The following DLGAP1 variants were observed in gnomAD, a reference collection of about 807,000 sequenced individuals.
The protein encoded by DLGAP1 is disks large-associated protein 1.
A neutral mutation model predicts 90.8 loss-of-function variants in DLGAP1; 11 were observed. That is an observed-to-expected ratio of 0.12 (90% CI 0.08 to 0.20). The LOEUF (loss-of-function observed/expected upper bound fraction) is 0.20. DLGAP1 is among the 10% of genes least tolerant of loss of function. The pLI is 1.00. For missense variants in DLGAP1, 1,050 were observed against 1,333.8 expected, an observed-to-expected ratio of 0.79 and a Z score of 3.31; for synonymous variants, 558 against 540.7, an observed-to-expected ratio of 1.03 and a Z score of -0.44.
At chr18:4,192,935 A>G (rs2077428630) in intron 1 of DLGAP1, among the ~76,000 whole-genome samples, 1 of 152,346 alleles carries the variant, frequency 6.6e-6, no homozygotes, top group East Asian at 1.9e-4. Context: ...CTGATAATCC[A>G]AATTCCAGAA....
intron 2 of DLGAP1, among the ~76,000 whole-genome samples, chr18:4,027,699 C>G (rs1772582811): frequency 6.6e-6 from 1 of 151,966 alleles, no homozygotes; most frequent in Non-Finnish European, 1.5e-5. Context: ...CACAGATTCC[C>G]TTGTTATATA....
intron 5 of DLGAP1, among the ~76,000 whole-genome samples, chr18:3,799,976 C>T (rs958176568): frequency 6.6e-6 from 1 of 152,040 alleles, no homozygotes; most frequent in Non-Finnish European, 1.5e-5. Flanking sequence ...TCAAATATTA[C>T]CACTGCTGTA....
intron 1 of DLGAP1, among the ~76,000 whole-genome samples, chr18:4,376,899 T>C (rs2082025189): frequency 6.6e-6 from 1 of 152,188 alleles, no homozygotes; most frequent in African/African-American, 2.4e-5. Flanking sequence ...GAAGTACACT[T>C]AAAATATAAT....
chr18:3,767,918 A>C (rs2064330066), intron 5 of DLGAP1, among the ~76,000 whole-genome samples: 1 of 152,138 alleles, frequency 6.6e-6, no homozygotes, highest in Admixed American at 6.5e-5. Context: ...AATTCTAGCT[A>C]GTATGGCAAG....
rs539197404 is a variant in DLGAP1 at position 3,779,363 on chromosome 18, G to A, written c.1172+34696C>T. Among the ~76,000 whole-genome samples the A allele has an allele frequency of 3.3e-5, 5 of 151,976 alleles. No homozygotes were observed. The South Asian group carries it at 1.0e-3, about 32-fold the overall frequency. ...AGTGCTGGGATTACAGGTGTGAGCC[G>A]CCATGTCTGGCCCAGCAATCAGTTT... On this transcript the variant is annotated intron_variant, in intron 5 of 12. Transcript: ENST00000315677.
At chr18:3,649,022 T>C (rs2059211073) in intron 7 of DLGAP1, among the ~76,000 whole-genome samples, 1 of 152,220 alleles carries the variant, frequency 6.6e-6, no homozygotes, top group African/African-American at 2.4e-5. Context: ...AGTTCAAAGA[T>C]TTATGAAAAG....
intron 1 of DLGAP1, among the ~76,000 whole-genome samples, chr18:4,303,765 C>G (rs908480951): frequency 6.6e-6 from 1 of 152,148 alleles, no homozygotes; most frequent in Non-Finnish European, 1.5e-5. Flanking sequence ...TCTGTGCCTA[C>G]TAGAGAAATG....
chr18:4,415,104 A>G (rs897916370), intron 1 of DLGAP1, among the ~76,000 whole-genome samples: 4 of 152,104 alleles, frequency 2.6e-5, no homozygotes, highest in African/African-American at 9.7e-5. Context: ...AACAATCTAT[A>G]ATCAATGAGT....
chr18:4,403,403 A>G (rs1388056572), intron 1 of DLGAP1, among the ~76,000 whole-genome samples: 2 of 152,178 alleles, frequency 1.3e-5, no homozygotes, highest in Non-Finnish European at 2.9e-5. Flanking sequence ...CATTTTCAAA[A>G]CTCGGTATTA....
chr18:4,037,472 A>C (rs1168035397), intron 2 of DLGAP1, among the ~76,000 whole-genome samples: 1 of 152,236 alleles, frequency 6.6e-6, no homozygotes, highest in Non-Finnish European at 1.5e-5. Flanking sequence ...TAATTGATAC[A>C]TATTATATTA....
chr18:4,019,900 A>G (rs1413427240), intron 2 of DLGAP1, among the ~76,000 whole-genome samples: 1 of 152,192 alleles, frequency 6.6e-6, no homozygotes, highest in Admixed American at 6.5e-5. Context: ...TGACCTATAA[A>G]GGGCATATAA....
chr18:4,193,751 T>C (rs2077443293), intron 1 of DLGAP1, among the ~76,000 whole-genome samples: 1 of 152,154 alleles, frequency 6.6e-6, no homozygotes, highest in Admixed American at 6.5e-5. Flanking sequence ...CAGAGAAAGC[T>C]AAAAGCTAGA....
At chr18:3,708,790 C>T (rs1033450996) in intron 7 of DLGAP1, among the ~76,000 whole-genome samples, 1 of 152,190 alleles carries the variant, frequency 6.6e-6, no homozygotes, top group Non-Finnish European at 1.5e-5. Flanking sequence ...CTTGACAGTA[C>T]GCGTAAAGAG....
Position 3,526,233 on chromosome 18 carries a change from C to T in DLGAP1, c.2479+7961G>A, listed in dbSNP as rs1433981813. 2.6e-5 allele frequency among the ~76,000 whole-genome samples: 4 copies of T among 152,184 alleles called. No individual in the cohort carries two copies. Among genetic ancestry groups the T allele is most frequent in the Admixed American group, 2.6e-4 (4 of 15,278 alleles). On this transcript the variant is annotated intron_variant, in intron 10 of 12. Coordinates refer to ENST00000315677, the MANE Select transcript of DLGAP1 (RefSeq NM_004746.4). The surrounding 1 kb of genome is among the most constrained non-coding windows in gnomAD (Gnocchi z 4.7). Reference sequence around the variant, plus strand: ...CCATTGCTCCCCACTTAGAAACACACACGGGCTGGAGGCAGATGAATTGCA... The same window carrying T: ...CCATTGCTCCCCACTTAGAAACACATACGGGCTGGAGGCAGATGAATTGCA...
intron 1 of DLGAP1, among the ~76,000 whole-genome samples, chr18:4,165,981 G>A (rs1282443939): frequency 6.6e-6 from 1 of 151,988 alleles, no homozygotes; most frequent in Non-Finnish European, 1.5e-5. Context: ...AATGTAGTGA[G>A]ACCCTGTCTA....
intron 2 of DLGAP1, among the ~76,000 whole-genome samples, chr18:4,146,733 C>A (rs986130767): frequency 2.0e-5 from 3 of 151,934 alleles, no homozygotes; most frequent in African/African-American, 7.2e-5. Flanking sequence ...ATTAAAAAAA[C>A]GAATTTTCAA....
At chr18:3,652,149 G>A (rs1324746550) in intron 7 of DLGAP1, among the ~76,000 whole-genome samples, 3 of 141,984 alleles carry the variant, frequency 2.1e-5, no homozygotes, top group Non-Finnish European at 3.0e-5. Context: ...GGGCGACAGA[G>A]CGAGACTCTG....
intron 1 of DLGAP1, among the ~76,000 whole-genome samples, chr18:4,303,764 A>G (rs1281385302): frequency 6.6e-6 from 1 of 152,192 alleles, no homozygotes; most frequent in Non-Finnish European, 1.5e-5. Context: ...TTCTGTGCCT[A>G]CTAGAGAAAT....
intron 4 of DLGAP1, among the ~76,000 whole-genome samples, chr18:3,856,856 G>T (rs533397347): frequency 6.6e-6 from 1 of 150,956 alleles, no homozygotes; most frequent in Non-Finnish European, 1.5e-5. Context: ...GCAAGACTCC[G>T]TCCCCCTCCA....
Sources: gnomAD v4.1 joint callset for allele counts (sites outside exome capture counted in the v4.1 genomes callset) on GRCh38, gnomAD v4.1.1 for gene constraint, Gnocchi (gnomAD v3.1) non-coding constraint, MANE v1.5 for transcripts, NCBI Gene and HGNC (gene_info 2026-07-23, HGNC 2026-07-21) for gene names.